DPYSL3: variants seen among roughly 807,000 people sequenced by gnomAD.
DPYSL3 encodes dihydropyrimidinase like 3.
DPYSL3 carries 16 observed loss-of-function variants against 66.1 expected under a neutral mutation model. The ratio of observed to expected loss-of-function variants is 0.24; its 90% confidence interval spans 0.16 to 0.37. The LOEUF is 0.37. Ranked by LOEUF, DPYSL3 falls within the 10% of genes least tolerant of loss-of-function variation. The probability of loss-of-function intolerance (pLI) is 1.00; values close to 1 mark genes in which losing one functional copy is unlikely to be tolerated. For missense variants in DPYSL3, 738 were observed against 916.2 expected (o/e 0.81, Z 2.51); for synonymous variants, 338 against 345.1 (o/e 0.98, Z 0.23).
chr5:147,427,437 T>C (rs1290864040), intron 1 of DPYSL3, among the ~76,000 whole-genome samples: 3 of 152,172 alleles, frequency 2.0e-5, no homozygotes, highest in Middle Eastern at 3.2e-3. Context: ...TTGTATTATA[T>C]CCACATGATG....
chr5:147,397,922 A>G (rs570097796), intron 11 of DPYSL3, 77 bp from the exon 12 acceptor site: 15 of 1,389,052 alleles, frequency 1.1e-5, no homozygotes, highest in African/African-American at 1.0e-4. Context: ...TGAGACCTTC[A>G]GTGTCATTTG....
intron 1 of DPYSL3, among the ~76,000 whole-genome samples, chr5:147,505,272 T>C (rs927391951): frequency 6.6e-6 from 1 of 151,986 alleles, no homozygotes; most frequent in African/African-American, 2.4e-5. Flanking sequence ...TCTCACTGTG[T>C]TGCCCAGGCT....
At chr5:147,428,743 T>TAAGTGGGAGCTGA (rs1752247741) in intron 1 of DPYSL3, among the ~76,000 whole-genome samples, 1 of 151,336 alleles carries the variant, frequency 6.6e-6, no homozygotes, top group African/African-American at 2.4e-5. Flanking sequence ...AAACACTACA[T>TAAGTGGGAGCTGA]ACAATGAGAA....
chr5:147,470,977 T>C (rs1351743790), intron 1 of DPYSL3, among the ~76,000 whole-genome samples: 1 of 152,214 alleles, frequency 6.6e-6, no homozygotes, highest in Non-Finnish European at 1.5e-5. Flanking sequence ...AGGATGGGTC[T>C]CTGTTTACTC....
At chr5:147,428,536 CA>C (rs142373641) in intron 1 of DPYSL3, among the ~76,000 whole-genome samples, 1,924 of 152,216 alleles carry the variant, frequency 0.013, 46 homozygotes, top group African/African-American at 0.044. Context: ...CACATAAAAT[CA>C]AACCCCACTG....
At chr5:147,496,916 C>T (rs904940063) in intron 1 of DPYSL3, among the ~76,000 whole-genome samples, 373 of 152,108 alleles carry the variant, frequency 2.5e-3, no homozygotes, top group Non-Finnish European at 3.8e-3. Context: ...ACCCAAAGGA[C>T]TATAAATCAT....
intron 1 of DPYSL3, among the ~76,000 whole-genome samples, chr5:147,480,222 C>T (rs1753215561): frequency 6.6e-6 from 1 of 152,194 alleles, no homozygotes; most frequent in African/African-American, 2.4e-5. Flanking sequence ...CAGTCATCTC[C>T]GGCCTCCAGC....
intron 1 of DPYSL3, among the ~76,000 whole-genome samples, chr5:147,507,230 C>T (rs915685006): frequency 6.6e-6 from 1 of 151,972 alleles, no homozygotes; most frequent in Admixed American, 6.6e-5. Flanking sequence ...AGTGCACATA[C>T]CTAAAAATCA....
At chr5:147,495,554 A>G (rs1350401500) in intron 1 of DPYSL3, among the ~76,000 whole-genome samples, 4 of 152,226 alleles carry the variant, frequency 2.6e-5, no homozygotes, top group Admixed American at 2.0e-4. Context: ...GCAAAGTCTC[A>G]GGATACAAAA....
intron 1 of DPYSL3, among the ~76,000 whole-genome samples, chr5:147,497,256 G>C (rs564113637): frequency 6.9e-6 from 1 of 145,234 alleles, no homozygotes; most frequent in East Asian, 2.2e-4. Context: ...GTTGTGGGGT[G>C]GGGGGAGGGG....
intron 1 of DPYSL3, among the ~76,000 whole-genome samples, chr5:147,503,453 T>C (rs1364046415): frequency 6.6e-6 from 1 of 152,048 alleles, no homozygotes; most frequent in Admixed American, 6.6e-5. Flanking sequence ...ACCACCATGC[T>C]TAGTTAATTT....
At chr5:147,508,344 A>G (rs1277378822) in intron 1 of DPYSL3, among the ~76,000 whole-genome samples, 1 of 152,222 alleles carries the variant, frequency 6.6e-6, no homozygotes, top group Non-Finnish European at 1.5e-5. Flanking sequence ...ATTTTAATGG[A>G]AAAACAACTA....
chr5:147,413,492 C>T, intron 5 of DPYSL3, 104 bp downstream of exon 5: 1 of 891,884 alleles, frequency 1.1e-6, no homozygotes, highest in South Asian at 1.5e-5. Context: ...GCCCAGTGGT[C>T]TCCCACAGTG....
intron 1 of DPYSL3, among the ~76,000 whole-genome samples, chr5:147,442,490 T>A (rs185553795): frequency 6.6e-6 from 1 of 152,304 alleles, no homozygotes; most frequent in East Asian, 1.9e-4. Context: ...ACACTGGGAT[T>A]TCAATCTGTA....
intron 1 of DPYSL3, among the ~76,000 whole-genome samples, chr5:147,429,740 G>A (rs754010619): frequency 5.3e-5 from 8 of 152,028 alleles, no homozygotes; most frequent in Middle Eastern, 3.2e-3. Flanking sequence ...CTAGGACACC[G>A]TACCAAGTGT....
intron 1 of DPYSL3, among the ~76,000 whole-genome samples, chr5:147,433,554 G>A (rs1468629631): frequency 5.3e-5 from 8 of 152,158 alleles, no homozygotes; most frequent in Admixed American, 4.6e-4. Flanking sequence ...TAGCATCTCT[G>A]CCATTAAGTT....
chr5:147,453,072 G>A (rs1260735700), intron 1 of DPYSL3, among the ~76,000 whole-genome samples: 1 of 152,138 alleles, frequency 6.6e-6, no homozygotes, highest in Admixed American at 6.5e-5. Context: ...CGCGGCGCAG[G>A]GGTCAGAGCC....
At chr5:147,494,752 G>A (rs946979530) in intron 1 of DPYSL3, among the ~76,000 whole-genome samples, 54 of 149,492 alleles carry the variant, frequency 3.6e-4, no homozygotes, top group Non-Finnish European at 6.8e-4. Flanking sequence ...GGTGATAGGC[G>A]CCTGTATTCC....
At chr5:147,499,505 G>A (rs1441091600) in intron 1 of DPYSL3, among the ~76,000 whole-genome samples, 1 of 152,120 alleles carries the variant, frequency 6.6e-6, no homozygotes, top group Non-Finnish European at 1.5e-5. Context: ...CTAAAAAAAA[G>A]TGTGAGATCC....
Sources: allele counts gnomAD v4.1 joint callset (sites outside exome capture counted in the v4.1 genomes callset), GRCh38; gene constraint gnomAD v4.1.1; transcripts MANE v1.5; gene names NCBI Gene and HGNC (gene_info 2026-07-23, HGNC 2026-07-21).